NBPF20: variants seen among roughly 807,000 people sequenced by gnomAD.
The protein encoded by NBPF20 is NBPF member 20, also known as NBPF family member NBPF20.
NBPF20 carries 90 observed loss-of-function variants against 68.1 expected under a neutral mutation model. The ratio of observed to expected loss-of-function variants is 1.32; its 90% confidence interval spans 1.11 to 1.58. The LOEUF (loss-of-function observed/expected upper bound fraction) is 1.58. Ranked by LOEUF, NBPF20 falls within the 40% of genes most tolerant of loss-of-function variation. The probability of loss-of-function intolerance (pLI) is 0.00; values close to 1 mark genes in which losing one functional copy is unlikely to be tolerated. For missense variants in NBPF20, 816 were observed against 601.2 expected (o/e 1.36, Z -3.74); for synonymous variants, 290 against 228.1 (o/e 1.27, Z -2.45).
Position 145,400,604 on chromosome 1 carries a change from C to G in NBPF20, c.567-10G>C. 6.2e-7 allele frequency: 1 copy of G among 1,610,606 alleles called. No individual in the cohort carries two copies. Among genetic ancestry groups the G allele is most frequent in the Non-Finnish European group, 8.5e-7 (1 of 1,178,592 alleles). ...AGCCTTCTGCATCTCCCTGATGAGC[C>G]AGGTGGGACAGAGATGACAGAAGAT... On this transcript the variant is annotated splice_polypyrimidine_tract_variant and intron_variant, in intron 5 of 137. Coordinates refer to ENST00000369373, the Ensembl canonical transcript of NBPF20.
chr1:145,393,967 T>G, intron 8 of NBPF20, 32 bp from the exon 14 acceptor site: 1 of 1,137,518 alleles, frequency 8.8e-7, no homozygotes, highest in Non-Finnish European at 1.3e-6. Flanking sequence ...CCCTCTTACA[T>G]TAAGCAGTTC....
chr1:145,402,369 G>A (rs1296527429), exon 4 of NBPF20: 2 of 1,604,956 alleles, frequency 1.2e-6, no homozygotes, highest in African/African-American at 1.3e-5. Flanking sequence ...CGTGAACCAG[G>A]ACTTTATATT....
chr1:145,396,414 C>A (rs1662241752), intron 7 of NBPF20, among the ~76,000 whole-genome samples: 1 of 151,112 alleles, frequency 6.6e-6, no homozygotes, highest in African/African-American at 2.4e-5. Context: ...TGGAACCAAG[C>A]TGGGAAACAT....
At chr1:145,396,674 C>T (rs1367427644) in intron 7 of NBPF20, among the ~76,000 whole-genome samples, 1 of 150,430 alleles carries the variant, frequency 6.6e-6, no homozygotes, top group African/African-American at 2.5e-5. Flanking sequence ...CCCTACAAGC[C>T]AGAAGAGAGT....
intron 112 of NBPF20, among the ~76,000 whole-genome samples, chr1:145,311,823 T>C (rs1661490167): frequency 9.9e-6 from 1 of 101,248 alleles, no homozygotes; most frequent in Non-Finnish European, 1.9e-5. Flanking sequence ...TATTCAGCCC[T>C]GTCTCATCAA....
exon 76 of NBPF20, chr1:145,340,909 C>T (rs1661601804): frequency 2.6e-5 from 4 of 153,926 alleles, no homozygotes; most frequent in Non-Finnish European, 5.3e-5. Flanking sequence ...AGACTTCAGG[C>T]CCTTTCTCAT....
upstream of NBPF20, among the ~76,000 whole-genome samples, chr1:145,405,972 G>A (rs1238329352): frequency 6.7e-6 from 1 of 149,336 alleles, no homozygotes; most frequent in African/African-American, 2.5e-5. Context: ...AGGCTGGAGT[G>A]CAGTGACGCG....
the NBPF20 span, among the ~76,000 whole-genome samples, chr1:145,410,708 G>A: frequency 1.4e-5 from 2 of 139,550 alleles, no homozygotes; most frequent in African/African-American, 5.9e-5. Flanking sequence ...ATATGTGTGT[G>A]TGTGTGTGTG....
chr1:145,400,357 G>C (rs1234996995), intron 6 of NBPF20, 32 bp downstream of exon 11: 1 of 1,611,904 alleles, frequency 6.2e-7, no homozygotes, highest in East Asian at 2.2e-5. Flanking sequence ...AGCCTAGAGA[G>C]AGGTATGAGA....
chr1:145,393,503 G>T (rs587767244), intron 9 of NBPF20, among the ~76,000 whole-genome samples: 3 of 151,110 alleles, frequency 2.0e-5, no homozygotes, highest in South Asian at 4.2e-4. Context: ...AGCGAGCTCA[G>T]TGAATTGGTC....
At chr1:145,418,194 TGGA>T in the NBPF20 span, among the ~76,000 whole-genome samples, 3 of 131,810 alleles carry the variant, frequency 2.3e-5, no homozygotes, top group Non-Finnish European at 3.3e-5. Context: ...TTGTCAGGGG[TGGA>T]GGAGAGGAGG....
chr1:145,290,137 C>T (rs1273485699), exon 138 of NBPF20: 1 of 148,294 alleles, frequency 6.7e-6, no homozygotes, highest in Non-Finnish European at 1.5e-5. Context: ...AAAATTGAGA[C>T]CCAAAATTTG....
At chr1:145,418,935 G>A in the NBPF20 span, among the ~76,000 whole-genome samples, 1 of 109,338 alleles carries the variant, frequency 9.1e-6, no homozygotes, top group South Asian at 3.6e-4. Context: ...GTTTTGGTAA[G>A]TAATGTAGAT....
chr1:145,312,136 A>G (rs1661502055), intron 112 of NBPF20, 72 bp downstream of exon 117: 3 of 110,738 alleles, frequency 2.7e-5, no homozygotes, highest in Non-Finnish European at 4.3e-5. Context: ...AGTAAGGGCC[A>G]CTTGCAGTAG....
chr1:145,292,065 C>G (rs587738562), intron 137 of NBPF20, among the ~76,000 whole-genome samples: 1 of 149,426 alleles, frequency 6.7e-6, no homozygotes, highest in East Asian at 1.9e-4. Context: ...GAGTTAGTGT[C>G]CTCATGACAC....
intron 137 of NBPF20, among the ~76,000 whole-genome samples, 183 bp from the exon 143 acceptor site, chr1:145,291,952 G>A (rs1406192433): frequency 6.6e-6 from 1 of 151,218 alleles, no homozygotes; most frequent in Non-Finnish European, 1.5e-5. Context: ...AGAAAACAAT[G>A]AAAGAGAAAG....
At chr1:145,410,066 A>G (rs1553668611), upstream of NBPF20, among the ~76,000 whole-genome samples, 2 of 151,994 alleles carry the variant, frequency 1.3e-5, no homozygotes, top group South Asian at 2.1e-4. Flanking sequence ...ATGACTGTCT[A>G]TCTGATTTGT....
At chr1:145,425,251 TC>T in the NBPF20 span, among the ~76,000 whole-genome samples, 1 of 19,488 alleles carries the variant, frequency 5.1e-5, no homozygotes, top group Non-Finnish European at 1.2e-4. Flanking sequence ...CGCCTCGCCC[TC>T]CGTCGCTCGC....
intron 9 of NBPF20, among the ~76,000 whole-genome samples, 182 bp from the exon 15 acceptor site, chr1:145,393,428 G>C (rs1304969812): frequency 1.4e-5 from 2 of 146,446 alleles, no homozygotes; most frequent in East Asian, 2.0e-4. Flanking sequence ...AAGGATGAAA[G>C]AGAGAGACAC....
Sources: gnomAD v4.1 joint callset for allele counts (sites outside exome capture counted in the v4.1 genomes callset) on GRCh38, gnomAD v4.1.1 for gene constraint, MANE v1.5 for transcripts, NCBI Gene and HGNC (gene_info 2026-07-23, HGNC 2026-07-21) for gene names.